The following IGFL2 variants were observed in gnomAD, a reference collection of about 807,000 sequenced individuals.
The protein encoded by IGFL2 is IGF like family member 2.
IGFL2 carries 7 observed loss-of-function variants against 13.9 expected under a neutral mutation model. The observed-to-expected ratio is 0.51, with a 90% CI of 0.29 to 0.95. The LOEUF (loss-of-function observed/expected upper bound fraction) is 0.95. IGFL2 is among the 40% of genes least tolerant of loss of function. The pLI, the probability that IGFL2 is intolerant of heterozygous loss-of-function variation, is 0.08. For missense variants in IGFL2, 138 were observed against 147.8 expected (o/e 0.93, Z 0.34); for synonymous variants, 55 against 55.8 (o/e 0.99, Z 0.07).
At chr19:46,119,007 G>C in the IGFL2 span, among the ~76,000 whole-genome samples, 3 of 152,044 alleles carry the variant, frequency 2.0e-5, no homozygotes, top group Non-Finnish European at 4.4e-5. Flanking sequence ...TCAACACCCT[G>C]CTATGGGATG....
chr19:46,147,688 C>A (rs1366095816), upstream of IGFL2: 1 of 152,236 alleles, frequency 6.6e-6, no homozygotes, highest in Admixed American at 6.5e-5. Context: ...TTGTTGTAAC[C>A]GTACTGGGTG....
At chr19:46,093,695 A>C in the IGFL2 span, among the ~76,000 whole-genome samples, 1 of 152,244 alleles carries the variant, frequency 6.6e-6, no homozygotes, top group Non-Finnish European at 1.5e-5. Flanking sequence ...TTCACAGACT[A>C]CCAAGTCAAT....
the IGFL2 span, among the ~76,000 whole-genome samples, chr19:46,183,775 A>T: frequency 6.6e-6 from 1 of 152,026 alleles, no homozygotes; most frequent in Non-Finnish European, 1.5e-5. Context: ...ACCTCAGATG[A>T]TCTGCCTGCC....
chr19:46,098,478 C>CTTTTTTTTT, the IGFL2 span, among the ~76,000 whole-genome samples: 1 of 128,392 alleles, frequency 7.8e-6, no homozygotes, highest in African/African-American at 3.0e-5. Flanking sequence ...CAATCTGTGT[C>CTTTTTTTTT]TTTTTTTTTT....
At chr19:46,170,917 A>G in the IGFL2 span, among the ~76,000 whole-genome samples, 126 of 152,184 alleles carry the variant, frequency 8.3e-4, 2 homozygotes, top group Middle Eastern at 0.017. Flanking sequence ...TTTTAGTTTC[A>G]CCCTGACCTT....
At chr19:46,139,502 C>G (rs372457455), upstream of IGFL2, among the ~76,000 whole-genome samples, 21 of 152,076 alleles carry the variant, frequency 1.4e-4, no homozygotes, top group East Asian at 3.7e-3. Context: ...CATGCAAACA[C>G]TAGCAAAAGA....
chr19:46,109,415 C>T, the IGFL2 span, among the ~76,000 whole-genome samples: 10 of 151,794 alleles, frequency 6.6e-5, no homozygotes, highest in South Asian at 2.1e-4. Flanking sequence ...CCCAGGTTGA[C>T]GCCATTCTTC....
At chr19:46,099,693 A>G in the IGFL2 span, among the ~76,000 whole-genome samples, 1 of 151,320 alleles carries the variant, frequency 6.6e-6, no homozygotes, top group South Asian at 2.1e-4. Flanking sequence ...GCGCCTGGCT[A>G]ATTTTTGTAT....
At chr19:46,124,798 C>G in the IGFL2 span, 3 of 706,250 alleles carry the variant, frequency 4.2e-6, no homozygotes, top group Non-Finnish European at 7.6e-6. Context: ...CAAGCACATT[C>G]CTTGAAGATA....
the IGFL2 span, among the ~76,000 whole-genome samples, chr19:46,106,857 C>G: frequency 2.6e-5 from 4 of 152,006 alleles, no homozygotes; most frequent in African/African-American, 7.3e-5. Flanking sequence ...GGTGCATGAT[C>G]AGTCGCCAAG....
At chr19:46,086,824 A>G in the IGFL2 span, among the ~76,000 whole-genome samples, 1 of 152,100 alleles carries the variant, frequency 6.6e-6, no homozygotes, top group Non-Finnish European at 1.5e-5. Context: ...TTGGTTGGGT[A>G]GGGAATTTTG....
At chr19:46,078,805 TGC>T in the IGFL2 span, among the ~76,000 whole-genome samples, 1 of 151,968 alleles carries the variant, frequency 6.6e-6, no homozygotes, top group Non-Finnish European at 1.5e-5. Context: ...CACCTTGCAG[TGC>T]GCAGGCGTCG....
chr19:46,137,940 G>A, the IGFL2 span, among the ~76,000 whole-genome samples: 1 of 152,208 alleles, frequency 6.6e-6, no homozygotes, highest in Admixed American at 6.5e-5. Flanking sequence ...AGATTCTTTA[G>A]ATAACTTGGA....
chr19:46,095,809 T>A, the IGFL2 span, among the ~76,000 whole-genome samples: 37 of 152,208 alleles, frequency 2.4e-4, no homozygotes, highest in Non-Finnish European at 4.9e-4. Flanking sequence ...ATTGCTTGTC[T>A]GTGTCAGGTT....
chr19:46,166,584 G>C, the IGFL2 span, among the ~76,000 whole-genome samples: 1 of 152,094 alleles, frequency 6.6e-6, no homozygotes, highest in Non-Finnish European at 1.5e-5. Context: ...TTTATTAGGC[G>C]GGAATTTCCT....
intron 1 of IGFL2, among the ~76,000 whole-genome samples, chr19:46,151,377 C>T: frequency 6.6e-6 from 1 of 152,116 alleles, no homozygotes; most frequent in East Asian, 1.9e-4. Context: ...CTTCATAGTC[C>T]TAGCACTTTT....
chr19:46,106,329 A>G, the IGFL2 span, among the ~76,000 whole-genome samples: 2 of 152,132 alleles, frequency 1.3e-5, no homozygotes, highest in Non-Finnish European at 2.9e-5. Flanking sequence ...AGGTTGTCAA[A>G]ATTTTGAATA....
the IGFL2 span, chr19:46,111,408 A>G: frequency 1.3e-5 from 2 of 152,350 alleles, no homozygotes; most frequent in South Asian, 4.1e-4. Flanking sequence ...GGTAGTCTCA[A>G]AAGGATGACC....
At chr19:46,083,149 G>A in the IGFL2 span, among the ~76,000 whole-genome samples, 1 of 152,188 alleles carries the variant, frequency 6.6e-6, no homozygotes, top group African/African-American at 2.4e-5. Context: ...ATAACTGAGT[G>A]CATCATAAAC....
Sources: gnomAD v4.1 joint callset for allele counts (sites outside exome capture counted in the v4.1 genomes callset) on GRCh38, gnomAD v4.1.1 for gene constraint, MANE v1.5 for transcripts, NCBI Gene and HGNC (gene_info 2026-07-23, HGNC 2026-07-21) for gene names.